ADAMTS17: variants seen among roughly 807,000 people sequenced by gnomAD.
ADAMTS17 encodes A disintegrin and metalloproteinase with thrombospondin motifs 17.
In ADAMTS17, 113 loss-of-function variants were observed where a neutral mutation model predicts 141.5. That is an observed-to-expected ratio of 0.80 (90% CI 0.69 to 0.93). ADAMTS17 has a LOEUF of 0.93. Among genes scored for constraint, ADAMTS17 ranks in the 40% least tolerant of loss-of-function variants. ADAMTS17 has a pLI of 0.00. For missense variants in ADAMTS17, 1,659 were observed against 1,517.9 expected (o/e 1.09, Z -1.54); for synonymous variants, 768 against 630.6 (o/e 1.22, Z -3.27).
chr15:100,218,970 G>A (rs553186815), intron 7 of ADAMTS17, among the ~76,000 whole-genome samples: 1 of 152,270 alleles, frequency 6.6e-6, no homozygotes, highest in Non-Finnish European at 1.5e-5. Context: ...TATATGCAAT[G>A]GAATATGATT....
At chr15:100,085,490 G>C (rs2035039268) in intron 15 of ADAMTS17, among the ~76,000 whole-genome samples, 1 of 151,048 alleles carries the variant, frequency 6.6e-6, no homozygotes, top group African/African-American at 2.4e-5. Flanking sequence ...GAAATATAGA[G>C]AACACCACAA....
intron 10 of ADAMTS17, 66 bp from the exon 11 acceptor site, chr15:100,133,381 C>A (rs2038159731): frequency 1.3e-6 from 2 of 1,491,302 alleles, no homozygotes; most frequent in South Asian, 2.4e-5. Context: ...CAGCTGGGGT[C>A]AGAGGTGTGG....
rs4965295 is a variant in ADAMTS17, at chr15:100,261,398, T to C, written c.1031+81A>G. The C allele has an allele frequency of 0.68, 1,082,627 of 1,595,928 alleles. 368,253 individuals are homozygous for C. The highest frequency in any genetic ancestry group is 0.73 in the South Asian group (65,655 of 89,548). On this transcript the variant is annotated intron_variant, in intron 6 of 21. Transcript: ENST00000268070. The stretch of plus-strand genomic sequence containing the variant: ...AGGTCTGATTTCCAAGCCTGAGTTC[T>C]TAACAACATGCCTATTTCCTCTCTG...
Position 100,178,909 on chromosome 15 carries a change from G to A in ADAMTS17, c.1181+20409C>T, listed in dbSNP as rs149669772. Among the ~76,000 whole-genome samples the A allele has an allele frequency of 7.2e-4, 110 of 152,092 alleles. 1 individual carries two copies. The East Asian group carries it at 0.017, about 23-fold the overall frequency. On this transcript the variant is annotated intron_variant, in intron 8 of 21. Coordinates refer to ENST00000268070, the MANE Select transcript of ADAMTS17 (RefSeq NM_139057.4). ...TATGATTTCAGATGAGAAACCTATC[G>A]TCATCCAAATTGCTGTTCCTTTAGA...
At position 100,341,282 on chromosome 15, in the gene ADAMTS17, T is replaced by TGGGGGCGTGC; in HGVS notation, c.197_206dup (p.Ala70HisfsTer127). 6.0e-6 allele frequency: 7 copies of TGGGGGCGTGC among 1,168,322 alleles called. No individual in the cohort carries two copies. Among genetic ancestry groups the TGGGGGCGTGC allele is most frequent in the Non-Finnish European group, 7.4e-6 (7 of 951,786 alleles). 72.4% of individuals were successfully genotyped at this position (1,168,322 alleles called of 1,614,324 possible). ...CTCCGGGCCGGGCGCGCGGGGCGGC[T>TGGGGGCGTGC]GGGGGCGTGCGGGGGCGTCGCCGCC... On this transcript the variant is annotated frameshift_variant, in exon 2 of 22. Transcript: ENST00000268070. LOFTEE classifies it high-confidence loss of function.
chr15:100,197,610 A>G (rs1025860486), intron 8 of ADAMTS17, among the ~76,000 whole-genome samples: 1 of 152,162 alleles, frequency 6.6e-6, no homozygotes, highest in Admixed American at 6.5e-5. Flanking sequence ...TTGAGATGAG[A>G]TAACTGTGCA....
intron 3 of ADAMTS17, among the ~76,000 whole-genome samples, chr15:100,282,737 T>C (rs1373852331): frequency 1.5e-5 from 2 of 136,636 alleles, no homozygotes; most frequent in East Asian, 4.2e-4. Context: ...TACAACACAA[T>C]TACAATCACA....
At position 99,971,682 on chromosome 15, in the gene ADAMTS17, C is replaced by G. The variant is rs979037516; in HGVS notation, c.*2720G>C. The G allele has an allele frequency of 6.6e-6, 1 of 152,172 alleles. No homozygotes were observed. The highest frequency in any genetic ancestry group is 1.5e-5 in the Non-Finnish European group (1 of 68,044). 9.4% of individuals were successfully genotyped at this position (152,172 alleles called of 1,614,324 possible). On this transcript the variant is annotated 3_prime_UTR_variant, in exon 22 of 22. Coordinates refer to ENST00000268070, the MANE Select transcript of ADAMTS17 (RefSeq NM_139057.4). ...GGACAATCGTATTGCCATAGAGGCT[C>G]TTTTCCTGCATTCTGATCCTATCCA...
chr15:100,226,714 T>C (rs186656719), intron 7 of ADAMTS17, among the ~76,000 whole-genome samples: 29 of 152,270 alleles, frequency 1.9e-4, no homozygotes, highest in Admixed American at 1.8e-3. Context: ...CGGTTGGCAT[T>C]TTACCTTGTG....
In ADAMTS17 at chr15:100,046,391, C is replaced by T. The variant is rs183179667; in HGVS notation, c.2591+2466G>A. ...AGTAGACTGGCCCACTCTGCCACAT[C>T]GTGTGTGTGTCTCAATTCAGTGGTA... On this transcript the variant is annotated intron_variant, in intron 18 of 21. Coordinates refer to ENST00000268070, the MANE Select transcript of ADAMTS17 (RefSeq NM_139057.4). 2.4e-3 allele frequency among the ~76,000 whole-genome samples: 365 copies of T among 152,224 alleles called. 4 individuals carry two copies. The highest frequency in any genetic ancestry group is 2.0e-3 in the Non-Finnish European group (134 of 68,016).
chr15:100,003,855 A>G (rs1321096385), intron 18 of ADAMTS17, among the ~76,000 whole-genome samples: 1 of 150,952 alleles, frequency 6.6e-6, no homozygotes, highest in South Asian at 2.1e-4. Flanking sequence ...GGTTGCCAGG[A>G]GCTGAGGGGA....
chr15:100,176,648 G>A (rs535504300), intron 8 of ADAMTS17, among the ~76,000 whole-genome samples: 7 of 152,174 alleles, frequency 4.6e-5, no homozygotes, highest in Admixed American at 2.0e-4. Context: ...TTATACATGC[G>A]TTCATTCATA....
intron 7 of ADAMTS17, among the ~76,000 whole-genome samples, chr15:100,210,607 G>C (rs2041768821): frequency 6.6e-6 from 1 of 152,202 alleles, no homozygotes; most frequent in Non-Finnish European, 1.5e-5. Context: ...TTCAACTGCA[G>C]GAATGTTTTA....
chr15:99,974,647 A>T, intron 21 of ADAMTS17, 85 bp from the exon 22 acceptor site: 1 of 1,562,376 alleles, frequency 6.4e-7, no homozygotes, highest in Non-Finnish European at 8.8e-7. Flanking sequence ...TTGTGGTCTG[A>T]CCGTCTGGGC....
intron 3 of ADAMTS17, among the ~76,000 whole-genome samples, chr15:100,304,408 A>T (rs2045150767): frequency 1.3e-5 from 2 of 152,220 alleles, no homozygotes; most frequent in South Asian, 4.1e-4. Context: ...TGCCAGAATA[A>T]ATCTGTGAGT....
chr15:100,173,231 C>T (rs748600132), intron 8 of ADAMTS17, among the ~76,000 whole-genome samples: 20 of 152,046 alleles, frequency 1.3e-4, no homozygotes, highest in Non-Finnish European at 2.8e-4. Context: ...CCACTCCCTA[C>T]TTAGCTTTTT....
chr15:100,209,370 C>G (rs1472761000), intron 7 of ADAMTS17, among the ~76,000 whole-genome samples: 1 of 152,128 alleles, frequency 6.6e-6, no homozygotes, highest in Non-Finnish European at 1.5e-5. Context: ...CTCCTGAACG[C>G]CAGCTCCTGA....
chr15:100,097,821 G>A (rs1022381961), intron 14 of ADAMTS17, among the ~76,000 whole-genome samples: 4 of 152,208 alleles, frequency 2.6e-5, no homozygotes, highest in African/African-American at 9.6e-5. Flanking sequence ...CTACTCAAAG[G>A]AATAGGTGAA....
chr15:100,228,273 C>T (rs1029908613), intron 7 of ADAMTS17, among the ~76,000 whole-genome samples: 5 of 152,310 alleles, frequency 3.3e-5, no homozygotes, highest in African/African-American at 7.2e-5. Context: ...CACCATCCAG[C>T]GCGTGACCTC....
Sources: allele counts gnomAD v4.1 joint callset (sites outside exome capture counted in the v4.1 genomes callset), GRCh38; gene constraint gnomAD v4.1.1; transcripts MANE v1.5; gene names NCBI Gene and HGNC (gene_info 2026-07-23, HGNC 2026-07-21).